Variants in LRIF1 observed in about 807,000 individuals in gnomAD.
LRIF1 encodes ligand-dependent nuclear receptor-interacting factor 1.
LRIF1 carries 32 observed loss-of-function variants against 52.7 expected under a neutral mutation model. The ratio of observed to expected loss-of-function variants is 0.61; its 90% CI spans 0.46 to 0.82. The LOEUF (loss-of-function observed/expected upper bound fraction) is 0.82. Among genes scored for constraint, LRIF1 ranks in the 40% least tolerant of loss-of-function variants. LRIF1 has a pLI of 0.00. For missense variants in LRIF1, 887 were observed against 892.0 expected (o/e 0.99, Z 0.07); for synonymous variants, 323 against 317.4 (o/e 1.02, Z -0.19).
downstream of LRIF1, among the ~76,000 whole-genome samples, chr1:110,946,115 A>T (rs552109529): frequency 6.6e-6 from 1 of 152,262 alleles, no homozygotes; most frequent in Non-Finnish European, 1.5e-5. Flanking sequence ...TAACGAATGG[A>T]TAAAATGTGG....
chr1:110,922,149 A>G, the LRIF1 span, among the ~76,000 whole-genome samples: 1 of 152,296 alleles, frequency 6.6e-6, no homozygotes, highest in East Asian at 1.9e-4. Flanking sequence ...CCCGGCAAAA[A>G]ATATGATCTT....
At chr1:110,958,501 G>A (rs1350469986) in intron 1 of LRIF1, among the ~76,000 whole-genome samples, 1 of 151,826 alleles carries the variant, frequency 6.6e-6, no homozygotes, top group African/African-American at 2.4e-5. Context: ...ACTCCTTAAG[G>A]TGAGAGGCTT....
chr1:110,934,720 C>T, the LRIF1 span, among the ~76,000 whole-genome samples: 59 of 152,248 alleles, frequency 3.9e-4, no homozygotes, highest in Non-Finnish European at 6.8e-4. Flanking sequence ...TACCCTAGTC[C>T]CTGACTTCCA....
downstream of LRIF1, chr1:110,944,883 G>C (rs1658166328): frequency 6.7e-6 from 1 of 149,596 alleles, no homozygotes; most frequent in Non-Finnish European, 1.5e-5. Flanking sequence ...GAAAGGGAAA[G>C]CTCAAGGTTG....
the LRIF1 span, among the ~76,000 whole-genome samples, chr1:110,911,362 A>T: frequency 6.6e-6 from 1 of 152,088 alleles, no homozygotes; most frequent in South Asian, 2.1e-4. Flanking sequence ...TTTTTTTAAA[A>T]TCCCTATCAA....
chr1:110,962,747 C>G (rs886789215), intron 1 of LRIF1, among the ~76,000 whole-genome samples: 3 of 152,094 alleles, frequency 2.0e-5, no homozygotes, highest in African/African-American at 7.2e-5. Context: ...TTTCTTCAAA[C>G]GAAAATCCTC....
chr1:110,958,654 T>G (rs190679995), intron 1 of LRIF1, among the ~76,000 whole-genome samples: 10 of 152,234 alleles, frequency 6.6e-5, no homozygotes, highest in African/African-American at 9.6e-5. Context: ...TTTCCTCTAT[T>G]TCACCTCCAA....
chr1:110,926,135 G>A, the LRIF1 span, among the ~76,000 whole-genome samples: 2 of 152,164 alleles, frequency 1.3e-5, no homozygotes, highest in African/African-American at 2.4e-5. Flanking sequence ...TTGTGTATGT[G>A]TAAGACAACA....
chr1:110,902,219 T>C, the LRIF1 span, among the ~76,000 whole-genome samples: 1 of 152,198 alleles, frequency 6.6e-6, no homozygotes, highest in Non-Finnish European at 1.5e-5. Context: ...GTTCTTAGGA[T>C]AAAGTCTAGA....
At chr1:110,944,064 T>C (rs533204202), downstream of LRIF1, 1 of 152,334 alleles carries the variant, frequency 6.6e-6, no homozygotes, top group African/African-American at 2.4e-5. Context: ...ACTGTTTTAC[T>C]GAGATGAAAG....
chr1:110,878,357 C>A, the LRIF1 span, among the ~76,000 whole-genome samples: 3 of 152,106 alleles, frequency 2.0e-5, no homozygotes, highest in Non-Finnish European at 2.9e-5. Flanking sequence ...CTGCCACAGG[C>A]TCTGTGTAGG....
the LRIF1 span, among the ~76,000 whole-genome samples, chr1:110,908,211 GA>G: frequency 6.6e-6 from 1 of 152,120 alleles, no homozygotes; most frequent in African/African-American, 2.4e-5. Flanking sequence ...AAGCTTTGGG[GA>G]GTCTGGGCAT....
At position 110,952,449 on chromosome 1, in the gene LRIF1, G is replaced by A; in HGVS notation, c.435C>T (p.Leu145=). The change falls in exon 2 of 4, where the codon CTC becomes CTT. Residue 145 remains leucine, a synonymous_variant. Transcript: ENST00000369763. ...GAGGAACAGCAAATGTTTGCATGGT[G>A]AGTCCATCAATTTTCACACCATGAC... ...VQSHGVKIDG[L]TMQTFAVPPS... is the part of the protein sequence containing the mutation. 1.2e-6 allele frequency: 2 copies of A among 1,611,556 alleles called. No homozygotes were observed. Among genetic ancestry groups the A allele is most frequent in the Non-Finnish European group, 8.5e-7 (1 of 1,177,792 alleles).
At chr1:110,921,870 G>T in the LRIF1 span, among the ~76,000 whole-genome samples, 33 of 152,226 alleles carry the variant, frequency 2.2e-4, no homozygotes, top group African/African-American at 7.9e-4. Flanking sequence ...GTGAAGGTTT[G>T]GTATACAAAC....
chr1:110,900,878 G>A, the LRIF1 span, among the ~76,000 whole-genome samples: 1 of 151,884 alleles, frequency 6.6e-6, no homozygotes, highest in Non-Finnish European at 1.5e-5. Context: ...AAAAAAAGAA[G>A]CTAAATTGAA....
chr1:110,961,851 G>A (rs1658963695), intron 1 of LRIF1, among the ~76,000 whole-genome samples: 1 of 151,994 alleles, frequency 6.6e-6, no homozygotes, highest in Non-Finnish European at 1.5e-5. Context: ...ATTAACCAAA[G>A]TAAATGTCGA....
chr1:110,885,921 G>A, the LRIF1 span, among the ~76,000 whole-genome samples: 1 of 152,046 alleles, frequency 6.6e-6, no homozygotes, highest in African/African-American at 2.4e-5. Context: ...AAAAAGTATT[G>A]CGCATTTATT....
downstream of LRIF1, among the ~76,000 whole-genome samples, chr1:110,942,623 T>C (rs762166769): frequency 7.9e-5 from 12 of 152,098 alleles, no homozygotes; most frequent in Non-Finnish European, 1.8e-4. Context: ...ATAATTTGAA[T>C]GTAAACCAAG....
the LRIF1 span, among the ~76,000 whole-genome samples, chr1:110,903,099 G>A: frequency 4.6e-5 from 7 of 152,140 alleles, no homozygotes; most frequent in South Asian, 2.1e-4. Context: ...GAGGGAAATC[G>A]CCAATTCCAA....
Sources: gnomAD v4.1 joint callset for allele counts (sites outside exome capture counted in the v4.1 genomes callset) on GRCh38, gnomAD v4.1.1 for gene constraint, MANE v1.5 for transcripts, NCBI Gene and HGNC (gene_info 2026-07-23, HGNC 2026-07-21) for gene names.